The following ARHGEF4 variants were observed in gnomAD, a reference collection of about 807,000 sequenced individuals.
ARHGEF4 encodes the protein Rho guanine nucleotide exchange factor 4, also known as APC-stimulated guanine nucleotide exchange factor 1.
A neutral mutation model predicts 162.0 loss-of-function variants in ARHGEF4; 119 were observed. The ratio of observed to expected loss-of-function variants is 0.73; its 90% CI spans 0.63 to 0.86. The LOEUF (loss-of-function observed/expected upper bound fraction) is 0.86, where lower values mean the gene tolerates loss of function less well. ARHGEF4 is among the 40% of genes least tolerant of loss of function. The pLI, the probability that ARHGEF4 is intolerant of heterozygous loss-of-function variation, is 0.00. For synonymous variants in ARHGEF4, 1,014 were observed against 979.9 expected, an observed-to-expected ratio of 1.03 and a Z score of -0.65; for missense variants, 2,488 against 2,456.0, an observed-to-expected ratio of 1.01 and a Z score of -0.28.
intron 3 of ARHGEF4, among the ~76,000 whole-genome samples, chr2:130,935,225 A>G (rs1682872388): frequency 1.3e-5 from 2 of 151,798 alleles, no homozygotes; most frequent in Admixed American, 1.3e-4. Context: ...TTTGGTAGAA[A>G]CAGGGTTTCA....
intron 1 of ARHGEF4, among the ~76,000 whole-genome samples, chr2:130,855,179 G>C (rs1421684927): frequency 6.6e-6 from 1 of 151,940 alleles, no homozygotes; most frequent in Non-Finnish European, 1.5e-5. Flanking sequence ...CCGGCCGGAG[G>C]AGTCTTTTTA....
chr2:130,843,573 C>A (rs191908486), intron 1 of ARHGEF4, among the ~76,000 whole-genome samples: 118 of 152,362 alleles, frequency 7.7e-4, no homozygotes, highest in Non-Finnish European at 1.2e-3. Flanking sequence ...TCCTCTCCCC[C>A]ACTGCTCTTC....
At chr2:130,931,359 G>A (rs1682622376) in intron 3 of ARHGEF4, 102 bp downstream of exon 3, 2 of 1,296,040 alleles carry the variant, frequency 1.5e-6, no homozygotes, top group Non-Finnish European at 2.1e-6. Context: ...CTCCTGAGAT[G>A]TAACTTGTCA....
At chr2:130,971,676 A>G (rs1402872989) in intron 4 of ARHGEF4, among the ~76,000 whole-genome samples, 2 of 151,354 alleles carry the variant, frequency 1.3e-5, no homozygotes, top group African/African-American at 4.9e-5. Flanking sequence ...AAAAAAAAAA[A>G]GAATCAACTT....
At chr2:130,920,842 C>T (rs540277415) in intron 2 of ARHGEF4, among the ~76,000 whole-genome samples, 9 of 152,278 alleles carry the variant, frequency 5.9e-5, no homozygotes, top group African/African-American at 1.9e-4. Flanking sequence ...TCTTAATTTT[C>T]TGTGACTTTA....
At chr2:130,890,407 C>A (rs1158881415) in intron 1 of ARHGEF4, among the ~76,000 whole-genome samples, 2 of 152,040 alleles carry the variant, frequency 1.3e-5, no homozygotes, top group Non-Finnish European at 2.9e-5. Context: ...ACTAAAAATA[C>A]AAAAATTAAC....
rs775096943 is a variant in ARHGEF4, at chr2:131,041,977, G to A, written c.5025+33G>A. 3.5e-4 allele frequency: 555 copies of A among 1,600,640 alleles called. 1 individual carries two copies. The highest frequency in any genetic ancestry group is 2.4e-3 in the Admixed American group (139 of 58,338). ...CCTGGGGGCACAGAAAATTCCAGGA[G>A]GTCTTGGCCCCTCGCTTTAAAATCA... On this transcript the variant is annotated intron_variant, in intron 10 of 13. Transcript: ENST00000409359.
At position 130,946,636 on chromosome 2, in the gene ARHGEF4, G is replaced by T. The variant is rs1204097059; in HGVS notation, c.3985+1G>T. On this transcript the variant is annotated splice_donor_variant, in intron 4 of 13. Transcript: ENST00000409359. LOFTEE classifies it high-confidence loss of function. The stretch of plus-strand genomic sequence containing the variant: ...TGGCCAGAGCACACACCAGGCACTG[G>T]TGAGTTACGCGCCTCTCTCTTTTGC... The T allele has an allele frequency of 1.2e-6, 2 of 1,613,882 alleles. No homozygotes were observed. The highest frequency in any genetic ancestry group is 1.7e-6 in the Non-Finnish European group (2 of 1,179,858).
intron 5 of ARHGEF4, chr2:131,035,040 C>T (rs1690139713): frequency 2.0e-6 from 2 of 992,634 alleles, no homozygotes; most frequent in African/African-American, 1.8e-5. Context: ...GCCACCGGCT[C>T]GGCCCTGTGC....
chr2:130,846,925 G>A (rs1337291340), intron 1 of ARHGEF4, among the ~76,000 whole-genome samples: 1 of 152,212 alleles, frequency 6.6e-6, no homozygotes, highest in African/African-American at 2.4e-5. Flanking sequence ...ATCAGGGCCT[G>A]CCGGATGGCA....
At chr2:130,979,219 A>C (rs926924068) in intron 4 of ARHGEF4, among the ~76,000 whole-genome samples, 1 of 152,254 alleles carries the variant, frequency 6.6e-6, no homozygotes, top group East Asian at 1.9e-4. Context: ...ACATATATTA[A>C]GGCATATCAG....
chr2:131,025,303 A>G (rs1032919921), intron 4 of ARHGEF4, among the ~76,000 whole-genome samples: 2 of 152,326 alleles, frequency 1.3e-5, no homozygotes, highest in Non-Finnish European at 1.5e-5. Context: ...CACTATCACG[A>G]GAACAGCAAG....
chr2:130,897,043 G>A (rs1680196309), intron 1 of ARHGEF4, among the ~76,000 whole-genome samples: 1 of 152,160 alleles, frequency 6.6e-6, no homozygotes, highest in East Asian at 1.9e-4. Context: ...AGTGAAAGAG[G>A]AATCTTAGGT....
intron 9 of ARHGEF4, 102 bp downstream of exon 9, chr2:131,041,564 G>A (rs1483577007): frequency 1.4e-5 from 18 of 1,281,610 alleles, no homozygotes; most frequent in Middle Eastern, 2.0e-4. Flanking sequence ...CAGCCCTGGG[G>A]CAACACACAG....
At position 130,915,208 on chromosome 2, in the gene ARHGEF4, C is replaced by T. The variant is rs1287036586; in HGVS notation, c.1262C>T (p.Ala421Val). The change falls in exon 2 of 14, where the codon GCA becomes GTA. Residue 421 changes from alanine (A) to valine (V), a missense_variant. Transcript: ENST00000409359. ...AGGGCCTCTCAGGACACTCCTTCTG[C>T]AGGTCTCCTGGGGGAAAACCAGTTA... Reference protein sequence around the residue: ...LQRASQDTPSAGLLGENQLRQ... With the variant: ...LQRASQDTPSVGLLGENQLRQ... The T allele has an allele frequency of 1.2e-5, 19 of 1,550,630 alleles. No individual in the cohort carries two copies. The highest frequency in any genetic ancestry group is 2.4e-5 in the South Asian group (2 of 84,062).
At chr2:130,906,244 A>T (rs771643247) in intron 1 of ARHGEF4, among the ~76,000 whole-genome samples, 5 of 152,194 alleles carry the variant, frequency 3.3e-5, no homozygotes, top group Non-Finnish European at 7.3e-5. Flanking sequence ...GTATTTAGAA[A>T]CCAAGATTTG....
chr2:130,873,083 A>G (rs1451650024), intron 1 of ARHGEF4, among the ~76,000 whole-genome samples: 2 of 152,214 alleles, frequency 1.3e-5, no homozygotes, highest in African/African-American at 2.4e-5. Flanking sequence ...CTCCAGGGGA[A>G]TGGGCACACA....
At chr2:130,985,913 C>T (rs761931491) in intron 4 of ARHGEF4, among the ~76,000 whole-genome samples, 47 of 150,212 alleles carry the variant, frequency 3.1e-4, no homozygotes, top group African/African-American at 1.1e-3. Context: ...GAGTGATGTG[C>T]GTGCGTAGGG....
chr2:130,967,969 A>C lies in ARHGEF4; in HGVS notation c.3985+21334A>C, dbSNP rs180736051. Among the ~76,000 whole-genome samples the C allele has an allele frequency of 2.2e-3, 331 of 152,264 alleles. 2 individuals carry two copies. The highest frequency in any genetic ancestry group is 7.5e-3 in the African/African-American group (313 of 41,550). On this transcript the variant is annotated intron_variant, in intron 4 of 13. Transcript: ENST00000409359. Reference sequence around the variant, plus strand: ...ACACCTGTGAAATATTGCCAACCAGATAAGTTCCCCAAGCCTTGGTGTTCA... The same window carrying C: ...ACACCTGTGAAATATTGCCAACCAGCTAAGTTCCCCAAGCCTTGGTGTTCA...
Sources: gnomAD v4.1 joint callset for allele counts (sites outside exome capture counted in the v4.1 genomes callset) on GRCh38, gnomAD v4.1.1 for gene constraint, MANE v1.5 for transcripts, NCBI Gene and HGNC (gene_info 2026-07-23, HGNC 2026-07-21) for gene names.